Variants in MECOM observed in about 807,000 individuals in gnomAD.
MECOM encodes histone-lysine N-methyltransferase MECOM.
In MECOM, 13 loss-of-function variants were observed where a neutral mutation model predicts 116.3. That is an observed-to-expected ratio of 0.11 (90% CI 0.07 to 0.18). The LOEUF is 0.18. Among genes scored for constraint, MECOM ranks in the 10% least tolerant of loss-of-function variants. MECOM has a pLI of 1.00. For missense variants in MECOM, 1,299 were observed against 1,509.0 expected (o/e 0.86, Z 2.31); for synonymous variants, 528 against 535.2 (o/e 0.99, Z 0.19).
rs753180534 is a variant in MECOM at position 169,131,502 on chromosome 3, C to T, written c.540G>A (p.Ala180=). The T allele has an allele frequency of 7.4e-6, 12 of 1,613,410 alleles. No individual in the cohort carries two copies. Among genetic ancestry groups the T allele is most frequent in the Admixed American group, 3.3e-5 (2 of 59,882 alleles). Residue 180 remains alanine, a synonymous_variant, in exon 4 of 17, where the codon GCG becomes GCA. Coordinates refer to ENST00000651503, the MANE Select transcript of MECOM (RefSeq NM_004991.4). ...TGAACAGCAGAAGCTCCTCTCCCGG[C>T]GCAATGTCTGCAACTACTCTATAGA... ...QIFYRVVADI[A]PGEELLLFMK...
chr3:169,661,415 T>A (rs536035312), intron 1 of MECOM, among the ~76,000 whole-genome samples: 1 of 151,724 alleles, frequency 6.6e-6, no homozygotes, highest in South Asian at 2.1e-4. Flanking sequence ...AATAAAGACA[T>A]CGGCCTCATT....
chr3:169,098,600 C>G (rs1338602996), intron 12 of MECOM, among the ~76,000 whole-genome samples: 2 of 152,172 alleles, frequency 1.3e-5, no homozygotes, highest in African/African-American at 4.8e-5. Flanking sequence ...ATTACTTTTT[C>G]TCTTTCTAAT....
intron 1 of MECOM, among the ~76,000 whole-genome samples, chr3:169,445,907 C>T (rs1396073903): frequency 6.6e-6 from 1 of 152,142 alleles, no homozygotes; most frequent in Non-Finnish European, 1.5e-5. Flanking sequence ...GGATTTTGGA[C>T]TTGCATGGGC....
At chr3:169,578,034 GA>G (rs964578415) in intron 1 of MECOM, among the ~76,000 whole-genome samples, 10 of 146,106 alleles carry the variant, frequency 6.8e-5, no homozygotes, top group East Asian at 2.0e-4. Flanking sequence ...TTCGTACTAA[GA>G]AAAAAAAAAG....
At chr3:169,214,228 C>T (rs1751137350) in intron 2 of MECOM, among the ~76,000 whole-genome samples, 1 of 151,860 alleles carries the variant, frequency 6.6e-6, no homozygotes, top group South Asian at 2.1e-4. Context: ...ATTAGCAGGC[C>T]TCACTCAGCT....
intron 3 of MECOM, among the ~76,000 whole-genome samples, chr3:169,132,889 G>A (rs1735200935): frequency 6.6e-6 from 1 of 151,626 alleles, no homozygotes; most frequent in Non-Finnish European, 1.5e-5. Context: ...GAGTAGCTGG[G>A]ACTACAGCAT....
chr3:169,436,773 A>G (rs971164440), intron 1 of MECOM, among the ~76,000 whole-genome samples: 3 of 152,184 alleles, frequency 2.0e-5, no homozygotes, highest in Admixed American at 1.3e-4. Flanking sequence ...TGTTATTTAT[A>G]TTGAAAAACA....
intron 2 of MECOM, among the ~76,000 whole-genome samples, chr3:169,377,764 C>T (rs188438942): frequency 4.6e-5 from 7 of 152,204 alleles, no homozygotes; most frequent in East Asian, 3.9e-4. Context: ...GACGGTGTGG[C>T]GATTCCTCAA....
At chr3:169,625,563 G>A (rs779362839) in intron 1 of MECOM, among the ~76,000 whole-genome samples, 4 of 152,144 alleles carry the variant, frequency 2.6e-5, no homozygotes, top group Admixed American at 2.6e-4. Context: ...GTTTCACTGT[G>A]TAAGAAATAG....
At chr3:169,277,558 A>C (rs1759759460) in intron 2 of MECOM, among the ~76,000 whole-genome samples, 1 of 152,208 alleles carries the variant, frequency 6.6e-6, no homozygotes. Flanking sequence ...GCACAGAGCC[A>C]GTCCCCTAAC....
chr3:169,212,507 C>T (rs920925708), intron 2 of MECOM, among the ~76,000 whole-genome samples: 1 of 150,324 alleles, frequency 6.7e-6, no homozygotes, highest in East Asian at 2.0e-4. Flanking sequence ...CAAATGACTA[C>T]TTGCCCTGTC....
At chr3:169,328,120 G>T (rs1331485553) in intron 2 of MECOM, among the ~76,000 whole-genome samples, 3 of 152,238 alleles carry the variant, frequency 2.0e-5, no homozygotes, top group African/African-American at 7.2e-5. Flanking sequence ...CACTTTGTTT[G>T]ACCCGACTGA....
intron 1 of MECOM, among the ~76,000 whole-genome samples, chr3:169,551,659 A>G (rs1396129482): frequency 6.6e-6 from 1 of 152,226 alleles, no homozygotes; most frequent in Non-Finnish European, 1.5e-5. Context: ...CTTTTTCAAA[A>G]AGTTAAATAT....
chr3:169,159,894 A>C (rs73167999), intron 2 of MECOM, among the ~76,000 whole-genome samples: 10,705 of 152,198 alleles, frequency 0.07, 481 homozygotes, highest in South Asian at 0.19. Context: ...TCATAGGGCT[A>C]TTGAGAGGAT....
At chr3:169,260,719 T>A (rs191480723) in intron 2 of MECOM, among the ~76,000 whole-genome samples, 7 of 152,342 alleles carry the variant, frequency 4.6e-5, no homozygotes, top group African/African-American at 1.4e-4. Flanking sequence ...TGATAATATA[T>A]GTTGGAATAA....
At chr3:169,392,496 T>G (rs964488627) in intron 1 of MECOM, among the ~76,000 whole-genome samples, 1 of 152,136 alleles carries the variant, frequency 6.6e-6, no homozygotes, top group Non-Finnish European at 1.5e-5. Context: ...ATTTACCCAT[T>G]CCAAAACATT....
intron 1 of MECOM, among the ~76,000 whole-genome samples, chr3:169,523,634 A>G (rs775624435): frequency 1.3e-5 from 2 of 152,082 alleles, no homozygotes; most frequent in South Asian, 2.1e-4. Context: ...ACCATTCCCA[A>G]ACTTCTTTAG....
chr3:169,221,049 T>C (rs2149496551), intron 2 of MECOM, among the ~76,000 whole-genome samples: 1 of 152,318 alleles, frequency 6.6e-6, no homozygotes, highest in Non-Finnish European at 1.5e-5. Context: ...GCTGTTTGGA[T>C]TTAAAATCCA....
At chr3:169,508,899 T>G (rs1383322040) in intron 1 of MECOM, among the ~76,000 whole-genome samples, 1 of 152,206 alleles carries the variant, frequency 6.6e-6, no homozygotes, top group Non-Finnish European at 1.5e-5. Context: ...CGTCTTATTC[T>G]TAGTTACAAA....
Sources: gnomAD v4.1 joint callset for allele counts (sites outside exome capture counted in the v4.1 genomes callset) on GRCh38, gnomAD v4.1.1 for gene constraint, MANE v1.5 for transcripts, NCBI Gene and HGNC (gene_info 2026-07-23, HGNC 2026-07-21) for gene names.